The following MAST2 variants were observed in gnomAD, a reference collection of about 807,000 sequenced individuals.
MAST2 encodes the protein microtubule-associated serine/threonine-protein kinase 2.
In MAST2, 70 loss-of-function variants were observed where a neutral mutation model predicts 147.4. The observed-to-expected ratio is 0.47, with a 90% CI of 0.39 to 0.58. The LOEUF (loss-of-function observed/expected upper bound fraction) is 0.58. Ranked by LOEUF, MAST2 falls within the 20% of genes least tolerant of loss-of-function variation. MAST2 has a pLI of 0.00. For synonymous variants in MAST2, 869 were observed against 896.8 expected (o/e 0.97, Z 0.55); for missense variants, 2,080 against 2,302.3 (o/e 0.90, Z 1.98).
chr1:45,913,479 G>T, intron 4 of MAST2: 2 of 559,372 alleles, frequency 3.6e-6, no homozygotes, highest in Non-Finnish European at 4.5e-6. Flanking sequence ...CTGATTTGTG[G>T]GGGAGGGAGT....
chr1:45,900,446 ATTTTTTTTTTTT>A lies in MAST2; in HGVS notation c.500+18070_500+18081del, dbSNP rs908880746. 2.0e-4 allele frequency among the ~76,000 whole-genome samples: 2 copies of A among 9,950 alleles called. 1 individual carries two copies. The highest frequency in any genetic ancestry group is 2.8e-4 in the Non-Finnish European group (2 of 7,022). 6.5% of individuals were successfully genotyped at this position (9,950 alleles called of 152,430 possible). A position where few individuals can be genotyped will look rare whatever the true frequency, so the allele number is the denominator to read the frequency against. On this transcript the variant is annotated intron_variant, in intron 4 of 28. Transcript: ENST00000361297. ...TCTCTGATGATTAGTGATGTTGGATATTTTTTTTTTTTTTTTTTTTTTTTTTTTTTGAGACGG... is the reference window on the plus strand; with the variant it reads ...TCTCTGATGATTAGTGATGTTGGATATTTTTTTTTTTTTTTTTTGAGACGG...
chr1:45,804,417 AGTAAGAT>A (rs1196289557), intron 1 of MAST2, among the ~76,000 whole-genome samples: 1 of 152,148 alleles, frequency 6.6e-6, no homozygotes, highest in Non-Finnish European at 1.5e-5. Flanking sequence ...GAGTAAATAG[AGTAAGAT>A]GTAAGTCAAT....
At chr1:46,011,952 T>C (rs1289067746) in intron 10 of MAST2, among the ~76,000 whole-genome samples, 1 of 152,212 alleles carries the variant, frequency 6.6e-6, no homozygotes, top group Non-Finnish European at 1.5e-5. Flanking sequence ...CTGAAAGACA[T>C]AATTAGTCCA....
chr1:45,967,693 A>C (rs1661437953), intron 5 of MAST2, among the ~76,000 whole-genome samples: 1 of 152,124 alleles, frequency 6.6e-6, no homozygotes, highest in Non-Finnish European at 1.5e-5. Context: ...GAGGAGGTGG[A>C]AAGGGATGCA....
intron 4 of MAST2, among the ~76,000 whole-genome samples, chr1:45,921,511 G>A (rs1181801641): frequency 6.6e-6 from 1 of 152,166 alleles, no homozygotes; most frequent in Non-Finnish European, 1.5e-5. Context: ...AGGGTGTGTG[G>A]CAAGTGAGCA....
chr1:45,911,592 A>G (rs559319145), intron 4 of MAST2, among the ~76,000 whole-genome samples: 88 of 152,292 alleles, frequency 5.8e-4, no homozygotes, highest in East Asian at 9.6e-4. Flanking sequence ...TCTGGCTAGT[A>G]TAATTCATAT....
intron 5 of MAST2, among the ~76,000 whole-genome samples, chr1:45,968,725 T>C (rs1643750463): frequency 6.6e-6 from 1 of 152,106 alleles, no homozygotes; most frequent in South Asian, 2.1e-4. Context: ...CCTGAATTTA[T>C]GGCTTTGTGT....
intron 5 of MAST2, among the ~76,000 whole-genome samples, chr1:45,980,275 C>CGA (rs1491345712): frequency 3.6e-5 from 3 of 84,030 alleles, no homozygotes; most frequent in African/African-American, 1.5e-4. Context: ...ACTGTGTTTC[C>CGA]AAAAAAAAAA....
At chr1:45,847,981 T>G (rs945620025) in intron 3 of MAST2, among the ~76,000 whole-genome samples, 1 of 152,224 alleles carries the variant, frequency 6.6e-6, no homozygotes, top group East Asian at 1.9e-4. Flanking sequence ...ATAGTTTAGT[T>G]GCAATAGAGA....
chr1:46,022,063 C>T lies in MAST2; in HGVS notation c.1404C>T (p.Leu468=). The change falls in exon 12 of 29, where the codon CTC becomes CTT. Residue 468 remains leucine, a synonymous_variant. Transcript: ENST00000361297. ...IPRYIVSQLG[L]TRDPLEEMAQ... ...GCTACATCGTTAGCCAGCTGGGCCTCACCCGGGATCCCCTAGAAGGTGAGC... is the reference window on the plus strand; with the variant it reads ...GCTACATCGTTAGCCAGCTGGGCCTTACCCGGGATCCCCTAGAAGGTGAGC... 1 of 1,614,190 alleles carries T rather than the reference C, an allele frequency of 6.2e-7. No individual in the cohort carries two copies. Among genetic ancestry groups the T allele is most frequent in the Non-Finnish European group, 8.5e-7 (1 of 1,180,022 alleles).
At chr1:45,894,218 T>TAA (rs61201783) in intron 4 of MAST2, among the ~76,000 whole-genome samples, 1 of 143,310 alleles carries the variant, frequency 7.0e-6, no homozygotes, top group Non-Finnish European at 1.5e-5. Flanking sequence ...TGTCTCAAAT[T>TAA]AAAAAAAAAA....
chr1:46,028,849 G>A lies in MAST2; in HGVS notation c.2134G>A (p.Gly712Ser). Residue 712 changes from glycine to serine, a missense_variant, in exon 18 of 29, where the codon GGC (glycine) becomes AGC (serine). Gly to Ser is a moderately conservative substitution (Grantham distance 56). This residue lies in a region of MAST2 where 209 missense variants were observed against 309.5 expected (regional missense o/e 0.68). Coordinates refer to ENST00000361297, the MANE Select transcript of MAST2 (RefSeq NM_015112.3). ...YGKPVDWWAM[G>S]IILYEFLVGC... ...GAAGCCAGTGGACTGGTGGGCCATG[G>A]GCATTATCCTGTATGAGTTCCTGGT... 1 of 1,614,008 alleles carries A rather than the reference G, an allele frequency of 6.2e-7. No homozygotes were observed.
chr1:45,888,615 G>T (rs534688469), intron 4 of MAST2, among the ~76,000 whole-genome samples: 20 of 146,412 alleles, frequency 1.4e-4, no homozygotes, highest in Admixed American at 8.3e-4. Flanking sequence ...ACCCACCTCG[G>T]CCTCCCAAAG....
chr1:45,857,580 G>A (rs1242296469), intron 3 of MAST2, among the ~76,000 whole-genome samples: 1 of 152,112 alleles, frequency 6.6e-6, no homozygotes, highest in African/African-American at 2.4e-5. Flanking sequence ...ACTGCTGCAG[G>A]ACTTGGATTT....
chr1:45,963,993 G>C (rs776333711), intron 5 of MAST2, among the ~76,000 whole-genome samples: 1 of 152,158 alleles, frequency 6.6e-6, no homozygotes, highest in Non-Finnish European at 1.5e-5. Flanking sequence ...TTTGTCTTTG[G>C]TTCTGTTTAT....
intron 4 of MAST2, among the ~76,000 whole-genome samples, chr1:45,898,977 A>G (rs1033786254): frequency 1.3e-5 from 2 of 152,076 alleles, no homozygotes; most frequent in South Asian, 2.1e-4. Flanking sequence ...TTGTCCTCTC[A>G]CCTGAGTATA....
chr1:45,987,777 A>ATTTTTTTTTTTTTTTT, intron 5 of MAST2, among the ~76,000 whole-genome samples: 10 of 21,802 alleles, frequency 4.6e-4, no homozygotes, highest in Admixed American at 3.0e-3. Context: ...TTTTTTTTTG[A>ATTTTTTTTTTTTTTTT]TTTTTTTTTT....
intron 1 of MAST2, among the ~76,000 whole-genome samples, chr1:45,820,893 CTTTTTTTTTT>C (rs769508054): frequency 2.3e-5 from 1 of 43,076 alleles, no homozygotes; most frequent in Non-Finnish European, 4.1e-5. Context: ...CTTTCTTTCT[CTTTTTTTTTT>C]TTTTTTTTTT....
intron 10 of MAST2, among the ~76,000 whole-genome samples, chr1:46,014,326 T>A (rs1288484160): frequency 3.1e-5 from 2 of 65,248 alleles, no homozygotes; most frequent in African/African-American, 6.5e-5. Flanking sequence ...CCCTCCCCCC[T>A]CCCCCCACCC....
Sources: allele counts gnomAD v4.1 joint callset (sites outside exome capture counted in the v4.1 genomes callset), GRCh38; gene constraint gnomAD v4.1.1; regional missense constraint gnomAD v4.1.1; transcripts MANE v1.5; gene names NCBI Gene and HGNC (gene_info 2026-07-23, HGNC 2026-07-21).